The following COL6A5 variants were observed in gnomAD, a reference collection of about 807,000 sequenced individuals.
The protein encoded by COL6A5 is collagen type VI alpha 5 chain.
Under a neutral mutation model 65.6 loss-of-function variants are expected in COL6A5, and 48 were observed. The ratio of observed to expected loss-of-function variants is 0.73; its 90% CI spans 0.58 to 0.93. The LOEUF (loss-of-function observed/expected upper bound fraction) is 0.93, where lower values mean the gene tolerates loss of function less well. Among genes scored for constraint, COL6A5 ranks in the 40% least tolerant of loss-of-function variants. The pLI, the probability that COL6A5 is intolerant of heterozygous loss-of-function variation, is 0.00. For synonymous variants in COL6A5, 291 were observed against 322.8 expected (o/e 0.90, Z 1.05); for missense variants, 914 against 928.3 (o/e 0.98, Z 0.20).
chr3:130,352,118 G>C (rs1209178989), intron 1 of COL6A5, among the ~76,000 whole-genome samples: 1 of 152,136 alleles, frequency 6.6e-6, no homozygotes, highest in East Asian at 1.9e-4. Flanking sequence ...GAGAACACTT[G>C]GATACAGGGC....
At chr3:130,366,999 T>C (rs1364691243) in intron 1 of COL6A5, among the ~76,000 whole-genome samples, 1 of 152,248 alleles carries the variant, frequency 6.6e-6, no homozygotes, top group Admixed American at 6.5e-5. Flanking sequence ...TTGTGTGCTC[T>C]TGGAGGAAGA....
intron 5 of COL6A5, among the ~76,000 whole-genome samples, chr3:130,457,776 A>G (rs1460006673): frequency 6.6e-6 from 1 of 152,138 alleles, no homozygotes; most frequent in Non-Finnish European, 1.5e-5. Flanking sequence ...CCAGTTGCCA[A>G]AAACTGCTGA....
exon 24 of COL6A5, chr3:130,416,787 A>G: frequency 6.5e-7 from 1 of 1,534,062 alleles, no homozygotes; most frequent in Non-Finnish European, 8.8e-7. Context: ...AGCTAAAGGG[A>G]GCACTGGAAG....
At chr3:130,362,320 ATATATATTTTTTTTTT>A (rs1452256003) in intron 1 of COL6A5, among the ~76,000 whole-genome samples, 10 of 3,068 alleles carry the variant, frequency 3.3e-3, no homozygotes, top group South Asian at 8.1e-3. Flanking sequence ...ATATATATAT[ATATATATTTTTTTTTT>A]TTTTTTTTTT....
intron 2 of COL6A5, among the ~76,000 whole-genome samples, 191 bp downstream of exon 34, chr3:130,439,806 T>A (rs1317290065): frequency 1.3e-5 from 2 of 151,968 alleles, no homozygotes; most frequent in African/African-American, 4.8e-5. Context: ...ATGTGAAAAT[T>A]GGTTTAGAAA....
chr3:130,428,000 C>T (rs1037699020), upstream of COL6A5, among the ~76,000 whole-genome samples: 1 of 152,062 alleles, frequency 6.6e-6, no homozygotes, highest in African/African-American at 2.4e-5. Context: ...CAACTTTCCT[C>T]ATGTTGCCAG....
At chr3:130,470,792 T>C (rs1231152516) in intron 6 of COL6A5, 79 bp from the exon 39 acceptor site, 1 of 1,051,314 alleles carries the variant, frequency 9.5e-7, no homozygotes, top group Non-Finnish European at 1.4e-6. Context: ...GCCAACCACG[T>C]GAAAACATGA....
chr3:130,376,942 G>A (rs1473893893), intron 3 of COL6A5, 106 bp downstream of exon 3: 7 of 1,284,714 alleles, frequency 5.4e-6, no homozygotes, highest in Non-Finnish European at 6.2e-6. Flanking sequence ...TAGCCATGTT[G>A]AAGTATTGGA....
intron 7 of COL6A5, among the ~76,000 whole-genome samples, 152 bp downstream of exon 40, chr3:130,472,078 A>G (rs1709966998): frequency 6.6e-6 from 1 of 152,084 alleles, no homozygotes. Flanking sequence ...TCCAAGGGAG[A>G]TAAAACTTCA....
At position 130,406,327 on chromosome 3, in the gene COL6A5, ACTTTT is replaced by A; in HGVS notation, c.4479+13_4479+17del. The A allele has an allele frequency of 6.5e-7, 1 of 1,546,008 alleles. No homozygotes were observed. On this transcript the variant is annotated splice_region_variant and intron_variant and NMD_transcript_variant, in intron 17 of 41. Coordinates refer to the COL6A5 transcript ENST00000312481. ...AAGGTGATCCAGGATCTCAGGTAACACTTTTCTTTTCAATACTTCAAAGAAGGAGA... is the reference window on the plus strand; with the variant it reads ...AAGGTGATCCAGGATCTCAGGTAACACTTTTCAATACTTCAAAGAAGGAGA...
chr3:130,413,776 G>A (rs1298909922), intron 21 of COL6A5, among the ~76,000 whole-genome samples, 196 bp downstream of exon 21: 1 of 151,648 alleles, frequency 6.6e-6, no homozygotes, highest in African/African-American at 2.4e-5. Context: ...AAGCCTCCCT[G>A]ATAGATACCT....
chr3:130,386,722 A>G (rs938345237), intron 5 of COL6A5, among the ~76,000 whole-genome samples: 1 of 152,046 alleles, frequency 6.6e-6, no homozygotes, highest in East Asian at 1.9e-4. Context: ...GGACGAATCT[A>G]GGGAGGTACA....
At chr3:130,475,896 C>A (rs1249545342) in intron 7 of COL6A5, among the ~76,000 whole-genome samples, 1 of 152,078 alleles carries the variant, frequency 6.6e-6, no homozygotes, top group Non-Finnish European at 1.5e-5. Context: ...ATCCCTAGTA[C>A]ACAGATGGAG....
intron 7 of COL6A5, among the ~76,000 whole-genome samples, chr3:130,482,228 T>C (rs1710266050): frequency 6.6e-6 from 1 of 152,212 alleles, no homozygotes; most frequent in Non-Finnish European, 1.5e-5. Flanking sequence ...TTGTATAAAG[T>C]ATAAGGAAAG....
chr3:130,478,858 T>C (rs1051469806), intron 7 of COL6A5, among the ~76,000 whole-genome samples: 1 of 152,116 alleles, frequency 6.6e-6, no homozygotes. Context: ...GAACTCATGT[T>C]AGAATGTTTT....
intron 7 of COL6A5, 148 bp downstream of exon 40, chr3:130,472,074 G>A (rs531973093): frequency 1.0e-4 from 85 of 848,950 alleles, no homozygotes; most frequent in Non-Finnish European, 1.5e-4. Context: ...AGGATCCAAG[G>A]GAGATAAAAC....
At chr3:130,413,611 G>A in intron 21 of COL6A5, 31 bp downstream of exon 21, 5 of 1,543,980 alleles carry the variant, frequency 3.2e-6, no homozygotes, top group Non-Finnish European at 4.4e-6. Flanking sequence ...GTTCTCTGTG[G>A]TTGATGGGAC....
intron 4 of COL6A5, among the ~76,000 whole-genome samples, chr3:130,447,589 G>A (rs1709338395): frequency 6.6e-6 from 1 of 152,162 alleles, no homozygotes; most frequent in African/African-American, 2.4e-5. Context: ...AATATAGAAA[G>A]GGTGTCTATG....
At chr3:130,431,792 A>G in exon 1 of COL6A5, 1 of 1,551,644 alleles carries the variant, frequency 6.4e-7, no homozygotes, top group East Asian at 2.4e-5. Flanking sequence ...AAGCGGACGT[A>G]TGCAGGAGCC....
Sources: gnomAD v4.1 joint callset for allele counts (sites outside exome capture counted in the v4.1 genomes callset) on GRCh38, gnomAD v4.1.1 for gene constraint, MANE v1.5 for transcripts, NCBI Gene and HGNC (gene_info 2026-07-23, HGNC 2026-07-21) for gene names.